KIZ: variants seen among roughly 807,000 people sequenced by gnomAD.
KIZ encodes kizuna centrosomal protein, also known as centrosomal protein kizuna.
Under a neutral mutation model 79.6 loss-of-function variants are expected in KIZ, and 68 were observed. The ratio of observed to expected loss-of-function variants is 0.85; its 90% confidence interval spans 0.70 to 1.05. The LOEUF is 1.05. Ranked by LOEUF, KIZ falls within the 50% of genes least tolerant of loss-of-function variation. The pLI is 0.00. For missense variants in KIZ, 797 were observed against 800.4 expected, an observed-to-expected ratio of 1.00 and a Z score of 0.05; for synonymous variants, 280 against 281.8, an observed-to-expected ratio of 0.99 and a Z score of 0.06.
intron 6 of KIZ, among the ~76,000 whole-genome samples, chr20:21,170,425 G>A (rs1007634845): frequency 1.4e-5 from 2 of 138,814 alleles, no homozygotes; most frequent in Admixed American, 7.6e-5. Flanking sequence ...GTCTCTCTCT[G>A]TCGCCCAGGC....
At chr20:21,211,666 T>A (rs574559410) in intron 7 of KIZ, among the ~76,000 whole-genome samples, 107 of 152,348 alleles carry the variant, frequency 7.0e-4, no homozygotes, top group African/African-American at 2.3e-3. Context: ...TGAGCTTCTC[T>A]CTGTGTTAGT....
chr20:21,148,282 A>C (rs752459086), intron 4 of KIZ, among the ~76,000 whole-genome samples: 5 of 152,166 alleles, frequency 3.3e-5, no homozygotes, highest in Non-Finnish European at 7.3e-5. Flanking sequence ...TTTCAACCAT[A>C]GGCAGTAACT....
chr20:21,177,782 C>A (rs2034496203), intron 6 of KIZ, among the ~76,000 whole-genome samples: 2 of 152,064 alleles, frequency 1.3e-5, no homozygotes, highest in Admixed American at 6.6e-5. Context: ...CAGTTTCATT[C>A]TTTTGCATAT....
At chr20:21,200,961 C>T (rs1290480765) in intron 6 of KIZ, among the ~76,000 whole-genome samples, 7 of 152,160 alleles carry the variant, frequency 4.6e-5, no homozygotes, top group Non-Finnish European at 1.0e-4. Context: ...AGGTGGATTG[C>T]TTGAGCTCAG....
chr20:21,190,866 T>C (rs1382385806), intron 6 of KIZ, among the ~76,000 whole-genome samples: 2 of 152,238 alleles, frequency 1.3e-5, no homozygotes, highest in Admixed American at 6.5e-5. Flanking sequence ...GCCCTGTCAA[T>C]AGACAATAGA....
chr20:21,208,083 A>G (rs979434773), intron 7 of KIZ, among the ~76,000 whole-genome samples: 3 of 152,182 alleles, frequency 2.0e-5, no homozygotes, highest in African/African-American at 7.2e-5. Flanking sequence ...ACTGTCTTGT[A>G]ACAACATTAT....
intron 6 of KIZ, among the ~76,000 whole-genome samples, chr20:21,175,117 C>G (rs998407279): frequency 6.6e-6 from 1 of 152,126 alleles, no homozygotes; most frequent in Non-Finnish European, 1.5e-5. Flanking sequence ...TCCTTTGTTC[C>G]CAAAGTAAGG....
At chr20:21,154,526 G>A (rs535284591) in intron 4 of KIZ, among the ~76,000 whole-genome samples, 1 of 152,312 alleles carries the variant, frequency 6.6e-6, no homozygotes, top group Non-Finnish European at 1.5e-5. Flanking sequence ...GTGACAAGAA[G>A]AGAAGAAAAC....
chr20:21,154,179 C>T (rs1201018552), intron 4 of KIZ: 2 of 152,132 alleles, frequency 1.3e-5, no homozygotes, highest in South Asian at 2.1e-4. Context: ...TAACTTGCTG[C>T]TTCTCATTCC....
chr20:21,240,576 T>A (rs947879919), intron 11 of KIZ, among the ~76,000 whole-genome samples: 4 of 152,232 alleles, frequency 2.6e-5, no homozygotes. Context: ...CCTCTGGGGT[T>A]CCAAGAGTCG....
At chr20:21,236,330 T>C (rs925311584) in intron 11 of KIZ, among the ~76,000 whole-genome samples, 2 of 152,214 alleles carry the variant, frequency 1.3e-5, no homozygotes, top group Admixed American at 1.3e-4. Context: ...TCTTTCTGGA[T>C]TATTTTTTGC....
intron 10 of KIZ, 149 bp downstream of exon 10, chr20:21,229,264 C>T (rs2036759872): frequency 1.0e-5 from 6 of 579,468 alleles, no homozygotes; most frequent in Non-Finnish European, 1.9e-5. Context: ...CTTTTTTATC[C>T]TTAGCAAATG....
intron 6 of KIZ, among the ~76,000 whole-genome samples, chr20:21,185,836 C>T (rs749984483): frequency 1.3e-5 from 2 of 151,972 alleles, no homozygotes; most frequent in Admixed American, 6.6e-5. Context: ...CTCAGCCTCC[C>T]GAGTAACTGG....
At chr20:21,192,723 T>G (rs547331499) in intron 6 of KIZ, among the ~76,000 whole-genome samples, 26 of 152,272 alleles carry the variant, frequency 1.7e-4, no homozygotes, top group Admixed American at 9.2e-4. Flanking sequence ...CATTGGGGTA[T>G]GGATACTTTT....
intron 5 of KIZ, 154 bp downstream of exon 5, chr20:21,162,661 A>G (rs2033733196): frequency 2.6e-6 from 2 of 776,264 alleles, no homozygotes; most frequent in East Asian, 5.4e-5. Flanking sequence ...ATGGGAGTGA[A>G]TTTGCTGATT....
chr20:21,136,372 C>T lies in KIZ; in HGVS notation c.153-18C>T. ...CCAAGTCTAGTCCATTGTTTTAAAA[C>T]TGCTTTTAATTTTCTAGAGTTAAGC... On this transcript the variant is annotated intron_variant, in intron 2 of 12. Coordinates refer to ENST00000619189, the MANE Select transcript of KIZ (RefSeq NM_018474.6). The T allele has an allele frequency of 4.3e-6, 6 of 1,406,812 alleles. No individual in the cohort carries two copies. The highest frequency in any genetic ancestry group is 5.9e-6 in the Non-Finnish European group (6 of 1,025,372). The allele number at this position is 1,406,812 out of a possible 1,614,324, so 87.1% of individuals were successfully genotyped here. A position where few individuals can be genotyped will look rare whatever the true frequency, so the allele number is the denominator to read the frequency against.
intron 4 of KIZ, among the ~76,000 whole-genome samples, chr20:21,148,422 C>T (rs1417384948): frequency 6.6e-6 from 1 of 152,002 alleles, no homozygotes; most frequent in Non-Finnish European, 1.5e-5. Context: ...CATACATTCG[C>T]TTAGAAGGAT....
At position 21,204,105 on chromosome 20, in the gene KIZ, G is replaced by GTT. The variant is rs71330816; in HGVS notation, c.1353-1359_1353-1358dup. Among the ~76,000 whole-genome samples the GTT allele has an allele frequency of 9.7e-4, 73 of 75,000 alleles. 3 individuals are homozygous for GTT. The highest frequency in any genetic ancestry group is 1.4e-3 in the East Asian group (3 of 2,080). 49.2% of individuals were successfully genotyped at this position (75,000 alleles called of 152,430 possible). On this transcript the variant is annotated intron_variant, in intron 6 of 12. Coordinates refer to ENST00000619189, the MANE Select transcript of KIZ (RefSeq NM_018474.6). The stretch of plus-strand genomic sequence containing the variant: ...CACAATCCCCTTAAGAGTCATCTAT[G>GTT]TTTTTTTTTTTTTTTTTTTTTTTTT...
intron 7 of KIZ, among the ~76,000 whole-genome samples, chr20:21,207,007 G>T (rs2035853125): frequency 6.6e-6 from 1 of 152,172 alleles, no homozygotes; most frequent in African/African-American, 2.4e-5. Flanking sequence ...TCTTCTCCTA[G>T]GTTGAACATC....
Sources: allele counts gnomAD v4.1 joint callset (sites outside exome capture counted in the v4.1 genomes callset), GRCh38; gene constraint gnomAD v4.1.1; transcripts MANE v1.5; gene names NCBI Gene and HGNC (gene_info 2026-07-23, HGNC 2026-07-21).